The following OTC variants were observed in gnomAD, a reference collection of about 807,000 sequenced individuals.
OTC encodes the protein ornithine transcarbamylase, mitochondrial.
OTC carries 3 observed loss-of-function variants against 30.3 expected under a neutral mutation model. The ratio of observed to expected loss-of-function variants is 0.10; its 90% CI spans 0.05 to 0.26. The LOEUF is 0.26. OTC is among the 10% of genes least tolerant of loss of function. The pLI, the probability that OTC is intolerant of heterozygous loss-of-function variation, is 1.00. For synonymous variants in OTC, 111 were observed against 99.7 expected, an observed-to-expected ratio of 1.11 and a Z score of -0.67; for missense variants, 194 against 260.3, an observed-to-expected ratio of 0.75 and a Z score of 1.75.
At chrX:38,381,216 A>G (rs1422329766) in intron 3 of OTC, 126 bp from the exon 4 acceptor site, 3 of 487,316 alleles carry the variant, frequency 6.2e-6, no homozygotes, top group Non-Finnish European at 7.0e-6. Context: ...GGAATTCTGT[A>G]TCAGAGAAGT....
the OTC span, among the ~76,000 whole-genome samples, chrX:38,336,087 T>C: frequency 6.3e-5 from 7 of 111,247 alleles, no homozygotes; most frequent in Non-Finnish European, 1.3e-4. Context: ...ATAAAAGAAC[T>C]AATTTTGAGG....
chrX:38,330,077 C>G, the OTC span, among the ~76,000 whole-genome samples: 1 of 112,094 alleles, frequency 8.9e-6, no homozygotes, highest in East Asian at 2.8e-4. Flanking sequence ...ACCAGGTAAG[C>G]CCAATTAAAT....
chrX:38,380,184 G>A (rs931682619), intron 3 of OTC, among the ~76,000 whole-genome samples: 9 of 111,802 alleles, frequency 8.0e-5, no homozygotes, highest in African/African-American at 2.9e-4. Context: ...TTCAAACTGT[G>A]TTAAGGCTTC....
At chrX:38,399,215 A>C (rs1247116120) in intron 4 of OTC, among the ~76,000 whole-genome samples, 1 of 111,343 alleles carries the variant, frequency 9.0e-6, no homozygotes, top group Non-Finnish European at 1.9e-5. Flanking sequence ...TAAAATGCAG[A>C]TTCTGCTTCA....
intron 1 of OTC, 78 bp downstream of exon 1, chrX:38,352,851 T>C: frequency 1.4e-6 from 1 of 718,668 alleles, no homozygotes; most frequent in African/African-American, 2.1e-5. Context: ...GTAAGGCCTC[T>C]TTCTGCAGAA....
At chrX:38,389,116 C>T (rs1272707853) in intron 4 of OTC, among the ~76,000 whole-genome samples, 1 of 111,550 alleles carries the variant, frequency 9.0e-6, no homozygotes, top group Non-Finnish European at 1.9e-5. Flanking sequence ...GAATATCTGT[C>T]ATTGAATTTA....
Position 38,418,428 on chromosome X carries a change from G to T in OTC, c.1006-2595G>T, listed in dbSNP as rs113178567. 8.0e-3 allele frequency among the ~76,000 whole-genome samples: 900 copies of T among 112,014 alleles called. 12 individuals carry two copies. The highest frequency in any genetic ancestry group is 0.028 in the African/African-American group (861 of 30,885). On this transcript the variant is annotated intron_variant, in intron 9 of 9. Coordinates refer to ENST00000039007, the MANE Select transcript of OTC (RefSeq NM_000531.6). Reference sequence around the variant, plus strand: ...TACAAATATTTTGTCCCATTCTGTGGATTGTCTCTTCACTTTATTAATTGT... The same window carrying T: ...TACAAATATTTTGTCCCATTCTGTGTATTGTCTCTTCACTTTATTAATTGT...
rs139074983 is a variant in OTC, at chrX:38,377,810, G to T, written c.299-3532G>T. On this transcript the variant is annotated intron_variant, in intron 3 of 9. Transcript: ENST00000039007. ...CCTTCTGCAGCCTCACCTCTGCACCGTCCACACTACCTTCTTGTTGTCTCT... is the reference window on the plus strand; with the variant it reads ...CCTTCTGCAGCCTCACCTCTGCACCTTCCACACTACCTTCTTGTTGTCTCT... Among the ~76,000 whole-genome samples, 11 of 111,413 alleles carry T rather than the reference G, an allele frequency of 9.9e-5. No individual in the cohort carries two copies. The East Asian group carries it at 2.8e-3, about 29-fold the overall frequency.
chrX:38,386,068 C>G (rs1432897150), intron 4 of OTC, among the ~76,000 whole-genome samples: 1 of 108,442 alleles, frequency 9.2e-6, no homozygotes, highest in Non-Finnish European at 1.9e-5. Flanking sequence ...GCCTGGGCAA[C>G]AGAGCAAGGC....
intron 4 of OTC, among the ~76,000 whole-genome samples, chrX:38,382,298 G>A (rs1006223545): frequency 5.3e-5 from 6 of 112,236 alleles, no homozygotes; most frequent in African/African-American, 1.9e-4. Flanking sequence ...CTCATGCAAT[G>A]CTCATACCAC....
At chrX:38,332,504 TTATATATATATATATA>T in the OTC span, among the ~76,000 whole-genome samples, 11 of 39,359 alleles carry the variant, frequency 2.8e-4, no homozygotes, top group East Asian at 8.7e-4. Flanking sequence ...GCCCTAGATT[TTATATATATATATATA>T]TATATATATA....
At chrX:38,364,408 A>G (rs932358809) in intron 1 of OTC, among the ~76,000 whole-genome samples, 1 of 112,179 alleles carries the variant, frequency 8.9e-6, no homozygotes, top group Non-Finnish European at 1.9e-5. Context: ...TCTTTGAAAT[A>G]GCAATGTTAA....
intron 4 of OTC, among the ~76,000 whole-genome samples, chrX:38,392,861 G>C (rs954311329): frequency 8.9e-6 from 1 of 112,321 alleles, no homozygotes; most frequent in Non-Finnish European, 1.9e-5. Context: ...TGTGCCTACA[G>C]GGATATTCCG....
chrX:38,408,733 C>T lies in OTC; in HGVS notation c.664-9C>T. 7 of 1,169,907 alleles carry T rather than the reference C, an allele frequency of 6.0e-6. No individual in the cohort carries two copies. Among genetic ancestry groups the T allele is most frequent in the Non-Finnish European group, 8.2e-6 (7 of 858,073 alleles). ...TACCTAAATAAGATTTAAATTCTTCCTCCTTTAGGGTTATGAGCCGGATGC... is the reference window on the plus strand; with the variant it reads ...TACCTAAATAAGATTTAAATTCTTCTTCCTTTAGGGTTATGAGCCGGATGC... On this transcript the variant is annotated splice_polypyrimidine_tract_variant and intron_variant, in intron 6 of 9. Transcript: ENST00000039007.
chrX:38,420,890 C>T, intron 9 of OTC, 133 bp from the exon 10 acceptor site: 1 of 494,444 alleles, frequency 2.0e-6, no homozygotes, highest in African/African-American at 2.3e-5. Context: ...GAACTGTTCT[C>T]TTACCATTTT....
At chrX:38,366,276 G>GT (rs934661884) in intron 1 of OTC, among the ~76,000 whole-genome samples, 8 of 111,533 alleles carry the variant, frequency 7.2e-5, no homozygotes, top group Non-Finnish European at 1.3e-4. Flanking sequence ...ATTTCTTAAG[G>GT]TTTTTTTAAA....
intron 4 of OTC, among the ~76,000 whole-genome samples, chrX:38,397,830 G>A (rs1230831008): frequency 9.0e-6 from 1 of 111,180 alleles, no homozygotes; most frequent in Non-Finnish European, 1.9e-5. Flanking sequence ...AGCTTGGGGA[G>A]CTTTAAAAAT....
rs1021805127 is a variant in OTC at position 38,355,397 on chromosome X, TA to T, written c.77+2634del. Among the ~76,000 whole-genome samples the T allele has an allele frequency of 3.2e-3, 340 of 107,795 alleles. 1 individual carries two copies. The highest frequency in any genetic ancestry group is 9.9e-3 in the African/African-American group (296 of 29,752). The allele number at this position is 107,795 out of a possible 115,157, so 93.6% of individuals were successfully genotyped here. A position where few individuals can be genotyped will look rare whatever the true frequency, so the allele number is the denominator to read the frequency against. On this transcript the variant is annotated intron_variant, in intron 1 of 9. Coordinates refer to ENST00000039007, the MANE Select transcript of OTC (RefSeq NM_000531.6). Reference sequence around the variant, plus strand: ...CACTTAAAGCTTTTTAAGAAACCACTAAAAAAAAAATCTCTTTCTTTATCAG... The same window carrying T: ...CACTTAAAGCTTTTTAAGAAACCACTAAAAAAAAATCTCTTTCTTTATCAG...
At chrX:38,356,617 C>A (rs956883980) in intron 1 of OTC, among the ~76,000 whole-genome samples, 1 of 111,588 alleles carries the variant, frequency 9.0e-6, no homozygotes, top group African/African-American at 3.3e-5. Flanking sequence ...CCCAAGGCCC[C>A]ACCCTGTCCT....
Sources: allele counts gnomAD v4.1 joint callset (sites outside exome capture counted in the v4.1 genomes callset), GRCh38; gene constraint gnomAD v4.1.1; transcripts MANE v1.5; gene names NCBI Gene and HGNC (gene_info 2026-07-23, HGNC 2026-07-21).